Variants in OR3A2 observed in about 807,000 individuals in gnomAD.
OR3A2 encodes the protein olfactory receptor 3A2.
For missense variants in OR3A2, 318 were observed against 392.8 expected (o/e 0.81, Z 1.61); for synonymous variants, 126 against 159.3 (o/e 0.79, Z 1.57).
intron 2 of OR3A2, among the ~76,000 whole-genome samples, chr17:3,341,596 C>A (rs532007086): frequency 1.3e-4 from 20 of 152,334 alleles, no homozygotes; most frequent in African/African-American, 4.6e-4. Context: ...TTGGCCCCCA[C>A]TCTCTTCTGG....
At chr17:3,318,092 A>G (rs1379401320) in intron 3 of OR3A2, among the ~76,000 whole-genome samples, 1 of 152,218 alleles carries the variant, frequency 6.6e-6, no homozygotes, top group Non-Finnish European at 1.5e-5. Context: ...GCAAGTCTTC[A>G]AAGAAAGGTT....
chr17:3,375,300 CTTTT>C (rs58991111), intron 2 of OR3A2, among the ~76,000 whole-genome samples: 2 of 66,524 alleles, frequency 3.0e-5, no homozygotes, highest in East Asian at 4.2e-4. Context: ...AGATTTCTTC[CTTTT>C]TTTTTTTTTT....
intron 2 of OR3A2, among the ~76,000 whole-genome samples, chr17:3,348,818 T>C (rs1421661584): frequency 2.6e-5 from 4 of 152,068 alleles, no homozygotes; most frequent in Non-Finnish European, 5.9e-5. Flanking sequence ...GCCCATCAGA[T>C]TAACAGCAGA....
intron 2 of OR3A2, among the ~76,000 whole-genome samples, chr17:3,344,674 A>G (rs918519562): frequency 4.6e-5 from 7 of 152,140 alleles, no homozygotes; most frequent in South Asian, 2.1e-4. Flanking sequence ...CCACACTCCA[A>G]TATCACTTTG....
In OR3A2 at chr17:3,353,161, G is replaced by A. The variant is rs543743484; in HGVS notation, c.-178-17035C>T. On this transcript the variant is annotated intron_variant, in intron 2 of 4. Transcript: ENST00000573491. Reference sequence around the variant, plus strand: ...GGTATATCTAGGTTAATTTTAATAAGTGTTGCCAGGTTGCTTTCCAAAAAT... The same window carrying A: ...GGTATATCTAGGTTAATTTTAATAAATGTTGCCAGGTTGCTTTCCAAAAAT... 1.7e-3 allele frequency among the ~76,000 whole-genome samples: 263 copies of A among 150,446 alleles called. 1 individual carries two copies. The highest frequency in any genetic ancestry group is 5.8e-3 in the African/African-American group (238 of 40,992).
At chr17:3,297,473 C>G (rs1158905315) in intron 3 of OR3A2, among the ~76,000 whole-genome samples, 4 of 147,780 alleles carry the variant, frequency 2.7e-5, no homozygotes, top group Non-Finnish European at 5.9e-5. Flanking sequence ...GTTCTCAAAT[C>G]CTTTGGCTCA....
At chr17:3,335,048 C>CT (rs1221290112) in intron 3 of OR3A2, among the ~76,000 whole-genome samples, 1 of 152,054 alleles carries the variant, frequency 6.6e-6, no homozygotes, top group African/African-American at 2.4e-5. Context: ...AAAAGTATAA[C>CT]TTTACTTTGC....
At chr17:3,340,370 T>C (rs1382272532) in intron 2 of OR3A2, among the ~76,000 whole-genome samples, 2 of 152,204 alleles carry the variant, frequency 1.3e-5, no homozygotes, top group Non-Finnish European at 2.9e-5. Flanking sequence ...AGGGTGTCAA[T>C]TTTAGATCTT....
chr17:3,341,627 A>G (rs2049319825), intron 2 of OR3A2, among the ~76,000 whole-genome samples: 1 of 152,198 alleles, frequency 6.6e-6, no homozygotes, highest in Admixed American at 6.5e-5. Context: ...TTCTGCTGAG[A>G]GATCCACTGT....
chr17:3,355,420 G>A (rs979256093), intron 2 of OR3A2, among the ~76,000 whole-genome samples: 1 of 127,604 alleles, frequency 7.8e-6, no homozygotes, highest in African/African-American at 3.1e-5. Flanking sequence ...CTATTATCAT[G>A]TTGGCATTTC....
intron 3 of OR3A2, among the ~76,000 whole-genome samples, chr17:3,308,463 G>A (rs557379236): frequency 2.6e-4 from 39 of 152,222 alleles, no homozygotes; most frequent in South Asian, 2.1e-4. Context: ...CACCCTCTGG[G>A]CTCTGAAACA....
intron 2 of OR3A2, among the ~76,000 whole-genome samples, chr17:3,374,917 T>G (rs927328518): frequency 6.6e-6 from 1 of 151,876 alleles, no homozygotes; most frequent in Admixed American, 6.6e-5. Context: ...TGCCTTTGCA[T>G]CTTCATAGCT....
At chr17:3,291,779 GGT>G (rs2048870445) in intron 3 of OR3A2, 1 of 1,613,748 alleles carries the variant, frequency 6.2e-7, no homozygotes, top group East Asian at 2.2e-5. Flanking sequence ...CTGAAAGCTT[GGT>G]TGAACCCAGT....
In OR3A2 at chr17:3,367,601, G is replaced by GTATATATATTATATATATATATATATA. The variant is rs1555530076; in HGVS notation, c.-179+16202_-179+16203insTATATATATATATATATAATATATATA. ...TGTATATGTATATGTGTGTGTGTGT[G>GTATATATATTATATATATATATATATA]TATATATATATATATATATATGCCA... is the stretch of plus-strand genomic sequence containing the variant. On this transcript the variant is annotated intron_variant, in intron 2 of 4. Coordinates refer to the OR3A2 transcript ENST00000573491. 6.0e-4 allele frequency among the ~76,000 whole-genome samples: 73 copies of GTATATATATTATATATATATATATATA among 122,506 alleles called. 4 individuals are homozygous for GTATATATATTATATATATATATATATA. Among genetic ancestry groups the GTATATATATTATATATATATATATATA allele is most frequent in the South Asian group, 1.6e-3 (6 of 3,816 alleles). The allele number at this position is 122,506 out of a possible 152,430, so 80.4% of individuals were successfully genotyped here.
intron 3 of OR3A2, among the ~76,000 whole-genome samples, chr17:3,319,878 T>C (rs916626380): frequency 1.3e-5 from 2 of 152,214 alleles, no homozygotes; most frequent in Non-Finnish European, 2.9e-5. Flanking sequence ...TATAATCCTT[T>C]GGGTATATAT....
intron 2 of OR3A2, among the ~76,000 whole-genome samples, chr17:3,339,006 G>C (rs1321159225): frequency 6.6e-6 from 1 of 152,064 alleles, no homozygotes; most frequent in Non-Finnish European, 1.5e-5. Flanking sequence ...TGGATTCCTA[G>C]GTATTTGATC....
intron 2 of OR3A2, among the ~76,000 whole-genome samples, chr17:3,345,156 A>G (rs2049351674): frequency 6.6e-6 from 1 of 152,220 alleles, no homozygotes; most frequent in Admixed American, 6.5e-5. Context: ...AGGTAGGACA[A>G]TAAATTCAGA....
At chr17:3,300,372 A>C (rs1409830864) in intron 3 of OR3A2, among the ~76,000 whole-genome samples, 1 of 152,174 alleles carries the variant, frequency 6.6e-6, no homozygotes, top group African/African-American at 2.4e-5. Flanking sequence ...CAGCCTGGCC[A>C]ACATGACAAA....
At chr17:3,379,766 C>G (rs1314919043) in intron 2 of OR3A2, among the ~76,000 whole-genome samples, 1 of 152,194 alleles carries the variant, frequency 6.6e-6, no homozygotes, top group African/African-American at 2.4e-5. Context: ...CACTAACACA[C>G]CCCGTCCCTC....
Sources: gnomAD v4.1 joint callset for allele counts (sites outside exome capture counted in the v4.1 genomes callset) on GRCh38, gnomAD v4.1.1 for gene constraint, MANE v1.5 for transcripts, NCBI Gene and HGNC (gene_info 2026-07-23, HGNC 2026-07-21) for gene names.